Variants in CNTNAP3B observed in about 807,000 individuals in gnomAD.
The protein encoded by CNTNAP3B is contactin-associated protein-like 3B.
Under a neutral mutation model 108.9 loss-of-function variants are expected in CNTNAP3B, and 25 were observed. The ratio of observed to expected loss-of-function variants is 0.23; its 90% CI spans 0.17 to 0.32. The LOEUF (loss-of-function observed/expected upper bound fraction) is 0.32, where lower values mean the gene tolerates loss of function less well. Ranked by LOEUF, CNTNAP3B falls within the 10% of genes least tolerant of loss-of-function variation. CNTNAP3B has a pLI of 1.00. For missense variants in CNTNAP3B, 252 were observed against 1,210.4 expected (o/e 0.21, Z 11.75); for synonymous variants, 103 against 473.4 (o/e 0.22, Z 10.16).
At chr9:42,095,745 C>T (rs1827885591) in intron 2 of CNTNAP3B, among the ~76,000 whole-genome samples, 1 of 138,036 alleles carries the variant, frequency 7.2e-6, no homozygotes, top group Non-Finnish European at 1.5e-5. Flanking sequence ...CAGTTCGTGT[C>T]TGTATTGGTC....
chr9:42,095,538 T>C (rs1827882328), intron 2 of CNTNAP3B, among the ~76,000 whole-genome samples: 1 of 138,954 alleles, frequency 7.2e-6, no homozygotes, highest in Non-Finnish European at 1.5e-5. Context: ...ACTATAACCC[T>C]GACAAAAGCC....
intron 14 of CNTNAP3B, among the ~76,000 whole-genome samples, chr9:41,934,114 TATATATATACACACAC>T (rs1378063882): frequency 1.5e-4 from 20 of 129,460 alleles, no homozygotes; most frequent in African/African-American, 5.9e-4. Flanking sequence ...TATATATATA[TATATATATACACACAC>T]ATATATATAT....
Position 41,955,571 on chromosome 9 carries a change from C to T in CNTNAP3B, c.1877-2185G>A, listed in dbSNP as rs1324444407. On this transcript the variant is annotated intron_variant, in intron 12 of 23. Transcript: ENST00000377561. Reference sequence around the variant, plus strand: ...TTAGAGATAGGGTCTCCCTCTGTTGCCCAGCTTGGAGTGCAGTGGCACCTT... The same window carrying T: ...TTAGAGATAGGGTCTCCCTCTGTTGTCCAGCTTGGAGTGCAGTGGCACCTT... Among the ~76,000 whole-genome samples, 80 of 151,128 alleles carry T rather than the reference C, an allele frequency of 5.3e-4. No homozygotes were observed. The South Asian group carries it at 7.9e-3, about 15-fold the overall frequency.
intron 10 of CNTNAP3B, among the ~76,000 whole-genome samples, chr9:41,967,245 A>G (rs1241326801): frequency 1.3e-5 from 2 of 152,234 alleles, no homozygotes; most frequent in African/African-American, 4.8e-5. Context: ...ATGGGAGGGA[A>G]CCTGTGGGAG....
At chr9:42,107,749 G>A (rs551687567) in intron 1 of CNTNAP3B, among the ~76,000 whole-genome samples, 93 of 138,100 alleles carry the variant, frequency 6.7e-4, no homozygotes, top group Non-Finnish European at 2.3e-4. Context: ...ACCAAGGCGG[G>A]TGGATCACAA....
intron 1 of CNTNAP3B, among the ~76,000 whole-genome samples, chr9:42,125,393 C>A (rs1157464399): frequency 7.1e-6 from 1 of 141,796 alleles, no homozygotes; most frequent in Admixed American, 7.0e-5. Flanking sequence ...GCTTTCCTTA[C>A]CCTGCTGGTT....
chr9:42,058,418 G>A (rs1418731944), intron 3 of CNTNAP3B, among the ~76,000 whole-genome samples: 1 of 143,720 alleles, frequency 7.0e-6, no homozygotes, highest in East Asian at 2.2e-4. Flanking sequence ...TAACAAGTAC[G>A]AGGTGATATC....
intron 13 of CNTNAP3B, among the ~76,000 whole-genome samples, chr9:41,939,670 T>C (rs1330587028): frequency 2.0e-5 from 3 of 152,280 alleles, no homozygotes; most frequent in Non-Finnish European, 4.4e-5. Context: ...ACTTCACCAT[T>C]AAACTGTCGC....
intron 13 of CNTNAP3B, among the ~76,000 whole-genome samples, chr9:41,942,198 G>A (rs1418604167): frequency 1.3e-4 from 20 of 152,298 alleles, no homozygotes; most frequent in Admixed American, 2.6e-4. Context: ...GCTTCTGGCC[G>A]GGCGCGGTGG....
intron 12 of CNTNAP3B, among the ~76,000 whole-genome samples, chr9:41,958,270 TTTGTTG>T (rs1201502625): frequency 2.0e-5 from 3 of 152,282 alleles, no homozygotes; most frequent in African/African-American, 4.8e-5. Flanking sequence ...ACCATGCTGT[TTTGTTG>T]TTGTTGTTGT....
chr9:41,918,644 A>G (rs1823581752), intron 18 of CNTNAP3B, among the ~76,000 whole-genome samples: 1 of 141,428 alleles, frequency 7.1e-6, no homozygotes, highest in Non-Finnish European at 1.5e-5. Context: ...CTGGAGGACC[A>G]TTTTCCATTT....
chr9:41,956,227 A>T (rs1824853312), intron 12 of CNTNAP3B, among the ~76,000 whole-genome samples: 1 of 152,046 alleles, frequency 6.6e-6, no homozygotes. Flanking sequence ...TCTACTAAAA[A>T]TACAAAAAAT....
Position 42,086,749 on chromosome 9 carries a change from T to G in CNTNAP3B, c.197-9687A>C, listed in dbSNP as rs1475864093. On this transcript the variant is annotated intron_variant, in intron 2 of 23. Transcript: ENST00000377561. ...TGTGAGCCACTGTGCCCAGCCTCTATGAACATTTAAGTCTTAGAGTGGACA... is the reference window on the plus strand; with the variant it reads ...TGTGAGCCACTGTGCCCAGCCTCTAGGAACATTTAAGTCTTAGAGTGGACA... Among the ~76,000 whole-genome samples, 18 of 114,618 alleles carry G rather than the reference T, an allele frequency of 1.6e-4. 1 individual carries two copies. Among genetic ancestry groups the G allele is most frequent in the African/African-American group, 6.5e-4 (18 of 27,526 alleles). The allele number at this position is 114,618 out of a possible 152,430, so 75.2% of individuals were successfully genotyped here.
intron 14 of CNTNAP3B, among the ~76,000 whole-genome samples, chr9:41,935,607 T>C (rs1470979486): frequency 3.9e-5 from 6 of 152,294 alleles, no homozygotes; most frequent in African/African-American, 1.4e-4. Flanking sequence ...GAAATTGTAA[T>C]TTCCCACCCC....
rs1456171891 is a variant in CNTNAP3B at position 42,118,389 on chromosome 9, T to G, written c.85+10621A>C. 2.9e-5 allele frequency among the ~76,000 whole-genome samples: 4 copies of G among 139,396 alleles called. 1 individual carries two copies. Among genetic ancestry groups the G allele is most frequent in the African/African-American group, 1.1e-4 (4 of 35,184 alleles). The allele number at this position is 139,396 out of a possible 152,430, so 91.4% of individuals were successfully genotyped here. A position where few individuals can be genotyped will look rare whatever the true frequency, so the allele number is the denominator to read the frequency against. ...GGTTCAACATACGAAAATCAATAAA[T>G]GTAATCCAGCATATAAACAGAACCA... On this transcript the variant is annotated intron_variant, in intron 1 of 23. Coordinates refer to ENST00000377561, the MANE Select transcript of CNTNAP3B (RefSeq NM_001201380.3).
At chr9:41,926,459 TC>T (rs1250501125) in intron 15 of CNTNAP3B, among the ~76,000 whole-genome samples, 7 of 152,294 alleles carry the variant, frequency 4.6e-5, no homozygotes, top group Non-Finnish European at 1.0e-4. Context: ...TCTTCATTAA[TC>T]AATTTATTTA....
intron 14 of CNTNAP3B, among the ~76,000 whole-genome samples, chr9:41,935,004 G>A (rs1282166674): frequency 2.0e-5 from 3 of 152,100 alleles, no homozygotes; most frequent in African/African-American, 7.2e-5. Flanking sequence ...ACAACTTGTG[G>A]ATTTTTGCAG....
chr9:41,934,779 A>G (rs1291508762), intron 14 of CNTNAP3B, among the ~76,000 whole-genome samples: 1 of 152,266 alleles, frequency 6.6e-6, no homozygotes, highest in Non-Finnish European at 1.5e-5. Flanking sequence ...TTAAAAATCC[A>G]ATATGATAAA....
intron 3 of CNTNAP3B, among the ~76,000 whole-genome samples, chr9:42,036,112 A>C (rs1826623392): frequency 6.7e-6 from 1 of 149,934 alleles, no homozygotes; most frequent in Non-Finnish European, 1.5e-5. Flanking sequence ...CGTCTCAAAA[A>C]ACAAAACAAA....
Sources: gnomAD v4.1 joint callset for allele counts (sites outside exome capture counted in the v4.1 genomes callset) on GRCh38, gnomAD v4.1.1 for gene constraint, MANE v1.5 for transcripts, NCBI Gene and HGNC (gene_info 2026-07-23, HGNC 2026-07-21) for gene names.